The following PIP5K1C variants were observed in gnomAD, a reference collection of about 807,000 sequenced individuals.
PIP5K1C encodes the protein phosphatidylinositol-4-phosphate 5-kinase type 1 gamma, also known as phosphatidylinositol 4-phosphate 5-kinase type-1 gamma.
A neutral mutation model predicts 80.1 loss-of-function variants in PIP5K1C; 45 were observed. That is an observed-to-expected ratio of 0.56 (90% CI 0.44 to 0.72). The LOEUF (loss-of-function observed/expected upper bound fraction) is 0.72, where lower values mean the gene tolerates loss of function less well. PIP5K1C is among the 30% of genes least tolerant of loss of function. The probability of loss-of-function intolerance (pLI) is 0.00; values close to 1 mark genes in which losing one functional copy is unlikely to be tolerated. For missense variants in PIP5K1C, 753 were observed against 954.6 expected, an observed-to-expected ratio of 0.79 and a Z score of 2.78; for synonymous variants, 498 against 420.1, an observed-to-expected ratio of 1.19 and a Z score of -2.27.
chr19:3,671,234 G>A (rs1441039254), intron 1 of PIP5K1C, among the ~76,000 whole-genome samples: 1 of 152,210 alleles, frequency 6.6e-6, no homozygotes, highest in Non-Finnish European at 1.5e-5. Context: ...GGGTGACTCA[G>A]CTGTTTTCCT....
chr19:3,677,132 A>G (rs534602260), intron 1 of PIP5K1C, among the ~76,000 whole-genome samples: 23 of 152,078 alleles, frequency 1.5e-4, no homozygotes, highest in Non-Finnish European at 3.1e-4. Flanking sequence ...TAAAATATAA[A>G]ATGAAAGAAG....
At chr19:3,638,573 A>C (rs2033806729) in intron 16 of PIP5K1C, among the ~76,000 whole-genome samples, 1 of 152,232 alleles carries the variant, frequency 6.6e-6, no homozygotes, top group Non-Finnish European at 1.5e-5. Context: ...CGGGTGGCAC[A>C]GAAGGTGCCG....
In PIP5K1C at chr19:3,637,834, GAC is replaced by G. The variant is rs1331992646; in HGVS notation, c.1920+1048_1920+1049del. 5 of 1,535,230 alleles carry G rather than the reference GAC, an allele frequency of 3.3e-6. No homozygotes were observed. In the Admixed American group the frequency reaches 9.8e-5, roughly 30 times the overall value. On this transcript the variant is annotated intron_variant, in intron 16 of 17. Transcript: ENST00000335312. This position sits in a 1 kb window ranked among gnomAD's most constrained non-coding sequence, Gnocchi z 7.0. ...CCACCTGGCAGGGCATCAGGACACA[GAC>G]ACACAGCACGACATGGCCCCCAGGC... is the stretch of plus-strand genomic sequence containing the variant.
intron 2 of PIP5K1C, among the ~76,000 whole-genome samples, chr19:3,665,597 AG>A (rs1223701992): frequency 6.6e-6 from 1 of 152,040 alleles, no homozygotes; most frequent in African/African-American, 2.4e-5. Context: ...CTCCCTCACC[AG>A]GGCCCCTAAC....
rs186512693 is a variant in PIP5K1C at position 3,683,277 on chromosome 19, G to A, written c.95-15924C>T. Among the ~76,000 whole-genome samples, 48 of 152,312 alleles carry A rather than the reference G, an allele frequency of 3.2e-4. No homozygotes were observed. The East Asian group carries it at 8.5e-3, about 27-fold the overall frequency. ...CTGGCACGTGGGTAAGGCTGCCTGC[G>A]ACAGTGTCCTCCTCCCAGGAGTTCC... is the stretch of plus-strand genomic sequence containing the variant. On this transcript the variant is annotated intron_variant, in intron 1 of 17. Coordinates refer to ENST00000335312, the MANE Select transcript of PIP5K1C (RefSeq NM_012398.3).
At chr19:3,695,591 TG>T (rs2036077171) in intron 1 of PIP5K1C, among the ~76,000 whole-genome samples, 1 of 152,184 alleles carries the variant, frequency 6.6e-6, no homozygotes, top group South Asian at 2.1e-4. Context: ...ACCCAGGCTG[TG>T]GTGGTCACAG....
chr19:3,677,261 A>G (rs1054027301), intron 1 of PIP5K1C, among the ~76,000 whole-genome samples: 4 of 152,094 alleles, frequency 2.6e-5, no homozygotes, highest in Admixed American at 1.3e-4. Flanking sequence ...GAAAAAGAGA[A>G]AGGAATGAAG....
chr19:3,662,026 G>T, intron 3 of PIP5K1C, 25 bp from the exon 4 acceptor site: 1 of 1,563,226 alleles, frequency 6.4e-7, no homozygotes, highest in Non-Finnish European at 8.6e-7. Context: ...GAGTGTCAGG[G>T]CCCCCGGCTG....
intron 5 of PIP5K1C, among the ~76,000 whole-genome samples, chr19:3,656,939 G>C (rs2034655231): frequency 6.6e-6 from 1 of 152,252 alleles, no homozygotes; most frequent in Non-Finnish European, 1.5e-5. Flanking sequence ...GAAGCTGTCA[G>C]GTGGAACTCA....
intron 16 of PIP5K1C, among the ~76,000 whole-genome samples, chr19:3,634,767 A>G (rs2033605346): frequency 6.6e-6 from 1 of 152,056 alleles, no homozygotes; most frequent in African/African-American, 2.4e-5. Context: ...TGCTCCCTCT[A>G]AAGGGCCCAC....
At position 3,697,508 on chromosome 19, in the gene PIP5K1C, G is replaced by T. The variant is rs568745962; in HGVS notation, c.94+2789C>A. Among the ~76,000 whole-genome samples the T allele has an allele frequency of 5.3e-5, 8 of 152,220 alleles. 1 individual carries two copies. The South Asian group carries it at 8.3e-4, about 16-fold the overall frequency. ...GGGGAGGACCGAGCTGGACCAGGGA[G>T]GACCAAGCTGGACCCGGGAGGACCA... is the stretch of plus-strand genomic sequence containing the variant. On this transcript the variant is annotated intron_variant, in intron 1 of 17. Coordinates refer to ENST00000335312, the MANE Select transcript of PIP5K1C (RefSeq NM_012398.3).
chr19:3,684,864 G>T (rs1265814618), intron 1 of PIP5K1C, among the ~76,000 whole-genome samples: 1 of 152,204 alleles, frequency 6.6e-6, no homozygotes, highest in Non-Finnish European at 1.5e-5. Context: ...AGTGCCACAT[G>T]GCTTCCACCA....
chr19:3,686,357 T>C (rs1398661885), intron 1 of PIP5K1C, among the ~76,000 whole-genome samples: 1 of 150,942 alleles, frequency 6.6e-6, no homozygotes, highest in African/African-American at 2.4e-5. Flanking sequence ...GAGGCAGAGC[T>C]TGCAGTGAGC....
Position 3,637,642 on chromosome 19 carries a change from G to A in PIP5K1C, c.1920+1242C>T, listed in dbSNP as rs751836190. On this transcript the variant is annotated intron_variant, in intron 16 of 17. Coordinates refer to ENST00000335312, the MANE Select transcript of PIP5K1C (RefSeq NM_012398.3). This position sits in a 1 kb window ranked among gnomAD's most constrained non-coding sequence, Gnocchi z 7.0. ...GACGGGGCGGGCCGGGTGGGCCGGA[G>A]GAGGAAGGAAAACAGAGGACAGCGG... 30 of 1,515,820 alleles carry A rather than the reference G, an allele frequency of 2.0e-5. 1 individual carries two copies. In the South Asian group the frequency reaches 3.5e-4, roughly 18 times the overall value. The allele number at this position is 1,515,820 out of a possible 1,614,324, so 93.9% of individuals were successfully genotyped here.
intron 1 of PIP5K1C, among the ~76,000 whole-genome samples, chr19:3,689,590 G>A (rs1226252139): frequency 6.6e-6 from 1 of 152,106 alleles, no homozygotes; most frequent in African/African-American, 2.4e-5. Flanking sequence ...CAGAGGTTTC[G>A]GTGAGCTGAG....
chr19:3,684,598 C>T (rs926883445), intron 1 of PIP5K1C, among the ~76,000 whole-genome samples: 8 of 152,232 alleles, frequency 5.3e-5, no homozygotes, highest in Non-Finnish European at 7.3e-5. Flanking sequence ...GCAGCAGAAC[C>T]GACCTGCTGA....
At chr19:3,694,402 T>C (rs1427661202) in intron 1 of PIP5K1C, among the ~76,000 whole-genome samples, 3 of 152,022 alleles carry the variant, frequency 2.0e-5, no homozygotes, top group Non-Finnish European at 4.4e-5. Flanking sequence ...CCTGCCACAG[T>C]GCCTGGGCTC....
At position 3,648,027 on chromosome 19, in the gene PIP5K1C, TTTC is replaced by T. The variant is rs2034302515; in HGVS notation, c.1211+595_1211+597del. ...CAAACCCACTCCTTGGATTTTCTTT[TTTC>T]TTTTTTTTTGGGACAGGGTCTTGCT... On this transcript the variant is annotated intron_variant, in intron 9 of 17. Coordinates refer to ENST00000335312, the MANE Select transcript of PIP5K1C (RefSeq NM_012398.3). The surrounding 1 kb of genome is among the most constrained non-coding windows in gnomAD (Gnocchi z 4.3). Among the ~76,000 whole-genome samples, 1 of 152,108 alleles carries T rather than the reference TTTC, an allele frequency of 6.6e-6. No homozygotes were observed. Among genetic ancestry groups the T allele is most frequent in the Non-Finnish European group, 1.5e-5 (1 of 68,008 alleles).
chr19:3,636,795 C>A lies in PIP5K1C; in HGVS notation c.1920+2089G>T, dbSNP rs1165475780. On this transcript the variant is annotated intron_variant, in intron 16 of 17. Transcript: ENST00000335312. ...GGAGGCTTTGTCTCGAGGGGACACT[C>A]CTGCTTTGGGTCTGCGCCCCGTTCT... 7.1e-6 allele frequency: 7 copies of A among 987,330 alleles called. No homozygotes were observed. The South Asian group carries it at 2.8e-4, about 40-fold the overall frequency. 61.2% of individuals were successfully genotyped at this position (987,330 alleles called of 1,614,324 possible). A position where few individuals can be genotyped will look rare whatever the true frequency, so the allele number is the denominator to read the frequency against.
Sources: allele counts gnomAD v4.1 joint callset (sites outside exome capture counted in the v4.1 genomes callset), GRCh38; gene constraint gnomAD v4.1.1; non-coding constraint Gnocchi (gnomAD v3.1); transcripts MANE v1.5; gene names NCBI Gene and HGNC (gene_info 2026-07-23, HGNC 2026-07-21).